ARHGAP15: variants seen among roughly 807,000 people sequenced by gnomAD.
The protein encoded by ARHGAP15 is rho GTPase-activating protein 15.
In ARHGAP15, 51 loss-of-function variants were observed where a neutral mutation model predicts 63.7. The ratio of observed to expected loss-of-function variants is 0.80; its 90% CI spans 0.64 to 1.01. The LOEUF (loss-of-function observed/expected upper bound fraction) is 1.01. Ranked by LOEUF, ARHGAP15 falls within the 50% of genes least tolerant of loss-of-function variation. The pLI is 0.00. For missense variants in ARHGAP15, 560 were observed against 564.6 expected (o/e 0.99, Z 0.08); for synonymous variants, 191 against 193.8 (o/e 0.99, Z 0.12).
At chr2:143,249,025 A>G (rs1411122350) in intron 5 of ARHGAP15, among the ~76,000 whole-genome samples, 2 of 152,176 alleles carry the variant, frequency 1.3e-5, no homozygotes, top group East Asian at 1.9e-4. Context: ...TAATTTTTCT[A>G]CATCATAAAT....
At chr2:143,449,060 A>G (rs886625866) in intron 8 of ARHGAP15, among the ~76,000 whole-genome samples, 1 of 152,000 alleles carries the variant, frequency 6.6e-6, no homozygotes, top group Non-Finnish European at 1.5e-5. Context: ...TGGCTATTTA[A>G]TCTCATCAAT....
intron 1 of ARHGAP15, among the ~76,000 whole-genome samples, chr2:143,142,235 G>A (rs1689399395): frequency 6.6e-6 from 1 of 152,032 alleles, no homozygotes; most frequent in African/African-American, 2.4e-5. Flanking sequence ...ATTTATAGCT[G>A]CTCCTAAAAA....
chr2:143,612,158 C>T (rs1354493320), intron 11 of ARHGAP15, among the ~76,000 whole-genome samples: 1 of 152,174 alleles, frequency 6.6e-6, no homozygotes, highest in East Asian at 1.9e-4. Flanking sequence ...TTTTCCCTGG[C>T]TTCCAAGCTA....
chr2:143,336,837 A>G (rs11681340), intron 6 of ARHGAP15, among the ~76,000 whole-genome samples: 149,803 of 152,298 alleles, frequency 0.98, 73,734 homozygotes, highest in Middle Eastern at 1. Flanking sequence ...GTCACATTTC[A>G]GTTTTATTTA....
chr2:143,132,195 T>C (rs1688940265), intron 1 of ARHGAP15, among the ~76,000 whole-genome samples: 1 of 152,210 alleles, frequency 6.6e-6, no homozygotes, highest in Non-Finnish European at 1.5e-5. Flanking sequence ...AAAATGCCCT[T>C]GTAAGTATTC....
At chr2:143,708,677 C>T (rs1042346563) in intron 13 of ARHGAP15, among the ~76,000 whole-genome samples, 1 of 151,924 alleles carries the variant, frequency 6.6e-6, no homozygotes, top group Admixed American at 6.6e-5. Flanking sequence ...TCTAGTCTGC[C>T]GGCCTTTGGG....
intron 13 of ARHGAP15, among the ~76,000 whole-genome samples, chr2:143,741,710 TG>T (rs1303118372): frequency 5.3e-4 from 80 of 152,316 alleles, no homozygotes; most frequent in African/African-American, 1.8e-3. Flanking sequence ...TGTTTTAAAA[TG>T]GCAGCAGAGA....
intron 4 of ARHGAP15, chr2:143,228,271 T>C: frequency 5.5e-6 from 1 of 181,710 alleles, no homozygotes. Context: ...TGTAAAAACA[T>C]AAACTTTTTA....
At chr2:143,405,540 CTA>C (rs1688166240) in intron 6 of ARHGAP15, among the ~76,000 whole-genome samples, 1 of 151,832 alleles carries the variant, frequency 6.6e-6, no homozygotes, top group African/African-American at 2.4e-5. Flanking sequence ...GTCAAGTTGA[CTA>C]TATATTTTCT....
chr2:143,438,837 G>T (rs1451807754), intron 8 of ARHGAP15, among the ~76,000 whole-genome samples: 1 of 152,068 alleles, frequency 6.6e-6, no homozygotes, highest in Non-Finnish European at 1.5e-5. Context: ...ACATATAAAA[G>T]AATATGTGAT....
intron 13 of ARHGAP15, among the ~76,000 whole-genome samples, chr2:143,734,379 G>A (rs1265021374): frequency 1.3e-5 from 2 of 152,130 alleles, no homozygotes; most frequent in Non-Finnish European, 2.9e-5. Context: ...ATTACCACTG[G>A]CATCTTTGGC....
chr2:143,642,087 T>C (rs1162641990), intron 12 of ARHGAP15, among the ~76,000 whole-genome samples: 1 of 152,140 alleles, frequency 6.6e-6, no homozygotes, highest in African/African-American at 2.4e-5. Context: ...AAGTATGATA[T>C]GGCATGTATA....
chr2:143,262,418 A>G (rs1340627445), intron 6 of ARHGAP15, among the ~76,000 whole-genome samples: 2 of 152,054 alleles, frequency 1.3e-5, no homozygotes, highest in Non-Finnish European at 2.9e-5. Context: ...GATATTTATC[A>G]TCTACCACCT....
At chr2:143,352,409 A>T (rs1358694035) in intron 6 of ARHGAP15, among the ~76,000 whole-genome samples, 1 of 152,328 alleles carries the variant, frequency 6.6e-6, no homozygotes, top group South Asian at 2.1e-4. Flanking sequence ...GATCTTTAAA[A>T]TGTGGTTGCC....
intron 6 of ARHGAP15, among the ~76,000 whole-genome samples, chr2:143,337,332 A>G (rs902662231): frequency 6.6e-6 from 1 of 152,150 alleles, no homozygotes; most frequent in Non-Finnish European, 1.5e-5. Flanking sequence ...TAAAGATTTC[A>G]TATTTATTTG....
chr2:143,274,313 GA>G (rs563075109), intron 6 of ARHGAP15, among the ~76,000 whole-genome samples: 35 of 148,754 alleles, frequency 2.4e-4, no homozygotes, highest in South Asian at 1.1e-3. Flanking sequence ...TTTCCACAGA[GA>G]AAAAAAAAAT....
intron 2 of ARHGAP15, among the ~76,000 whole-genome samples, chr2:143,183,892 G>A (rs986691774): frequency 2.6e-5 from 4 of 152,126 alleles, no homozygotes; most frequent in African/African-American, 9.7e-5. Context: ...TAAAAGACAG[G>A]AATGTAAGAT....
At chr2:143,469,879 G>A (rs758894461) in intron 8 of ARHGAP15, among the ~76,000 whole-genome samples, 9 of 152,028 alleles carry the variant, frequency 5.9e-5, no homozygotes, top group Non-Finnish European at 1.0e-4. Flanking sequence ...GGAAAGTGCT[G>A]GTCTAGGGGT....
At chr2:143,262,389 T>G (rs958363322) in intron 6 of ARHGAP15, among the ~76,000 whole-genome samples, 2 of 152,174 alleles carry the variant, frequency 1.3e-5, no homozygotes, top group South Asian at 2.1e-4. Flanking sequence ...CCACTGCAAC[T>G]GTGTATGAGG....
Sources: gnomAD v4.1 joint callset for allele counts (sites outside exome capture counted in the v4.1 genomes callset) on GRCh38, gnomAD v4.1.1 for gene constraint, MANE v1.5 for transcripts, NCBI Gene and HGNC (gene_info 2026-07-23, HGNC 2026-07-21) for gene names.